Variants in CTNNA2 observed in about 807,000 individuals in gnomAD.
CTNNA2 encodes the protein catenin alpha-2.
CTNNA2 carries 42 observed loss-of-function variants against 101.0 expected under a neutral mutation model. That is an observed-to-expected ratio of 0.42 (90% confidence interval 0.32 to 0.54). The LOEUF (loss-of-function observed/expected upper bound fraction) is 0.54. Ranked by LOEUF, CTNNA2 falls within the 20% of genes least tolerant of loss-of-function variation. CTNNA2 has a pLI of 0.14. For missense variants in CTNNA2, 871 were observed against 1,223.1 expected, an observed-to-expected ratio of 0.71 and a Z score of 4.29; for synonymous variants, 450 against 456.4, an observed-to-expected ratio of 0.99 and a Z score of 0.18.
rs77996363 is a variant in CTNNA2 at position 79,487,120 on chromosome 2, C to T, written c.-134-17934C>T. 9.9e-3 allele frequency among the ~76,000 whole-genome samples: 1,500 copies of T among 152,256 alleles called. 27 individuals are homozygous for T. Among genetic ancestry groups the T allele is most frequent in the African/African-American group, 0.034 (1,424 of 41,540 alleles). ...CAAAGCAGTTTAAAAGATGCATTAA[C>T]ATGTAACCATCTTAACTTTGGAAAT... On this transcript the variant is annotated intron_variant, in intron 4 of 21. Transcript: ENST00000466387.
intron 7 of CTNNA2, among the ~76,000 whole-genome samples, chr2:80,071,850 A>C (rs1319102915): frequency 6.6e-6 from 1 of 152,228 alleles, no homozygotes; most frequent in Non-Finnish European, 1.5e-5. Flanking sequence ...TGTCTGCTGC[A>C]GACATAACAG....
intron 2 of CTNNA2, among the ~76,000 whole-genome samples, chr2:79,664,936 C>T (rs566308202): frequency 2.0e-5 from 3 of 152,064 alleles, no homozygotes; most frequent in East Asian, 3.9e-4. Context: ...TGGTCTCGAT[C>T]TCCTGACCTC....
intron 2 of CTNNA2, among the ~76,000 whole-genome samples, chr2:79,290,675 A>G (rs1022843815): frequency 4.6e-5 from 7 of 152,230 alleles, no homozygotes; most frequent in South Asian, 2.1e-4. Context: ...CAGGCCATCA[A>G]CCGGAGGAAC....
At chr2:80,292,800 T>C (rs143856803) in intron 7 of CTNNA2, among the ~76,000 whole-genome samples, 1 of 152,348 alleles carries the variant, frequency 6.6e-6, no homozygotes, top group Non-Finnish European at 1.5e-5. Context: ...ATTGAATGAG[T>C]TGAGCAATAT....
chr2:80,031,981 T>C (rs1354593748), intron 7 of CTNNA2, among the ~76,000 whole-genome samples: 1 of 152,242 alleles, frequency 6.6e-6, no homozygotes, highest in Non-Finnish European at 1.5e-5. Context: ...GAAATCTGTT[T>C]TGAAGGTGAC....
At chr2:79,442,472 A>T (rs1678787305) in intron 4 of CTNNA2, among the ~76,000 whole-genome samples, 2 of 152,310 alleles carry the variant, frequency 1.3e-5, no homozygotes, top group East Asian at 3.9e-4. Flanking sequence ...GAAATTTGGC[A>T]TGAAGATACG....
chr2:79,500,263 C>CT, intron 4 of CTNNA2, among the ~76,000 whole-genome samples: 1 of 152,250 alleles, frequency 6.6e-6, no homozygotes, highest in Middle Eastern at 3.4e-3. Flanking sequence ...CACTTCATAG[C>CT]TTTTTTCAAC....
intron 6 of CTNNA2, among the ~76,000 whole-genome samples, chr2:79,893,266 T>C (rs925254696): frequency 1.3e-5 from 2 of 152,152 alleles, no homozygotes; most frequent in African/African-American, 2.4e-5. Context: ...CTAAAAATCA[T>C]AGGCTTCCAT....
At chr2:80,376,101 C>CT (rs528260464) in intron 7 of CTNNA2, among the ~76,000 whole-genome samples, 18 of 152,016 alleles carry the variant, frequency 1.2e-4, no homozygotes, top group South Asian at 4.2e-4. Context: ...AAAAATGAAT[C>CT]TTTTTTTTGC....
At chr2:79,189,846 A>G (rs1673828547) in intron 1 of CTNNA2, among the ~76,000 whole-genome samples, 1 of 152,178 alleles carries the variant, frequency 6.6e-6, no homozygotes, top group Admixed American at 6.6e-5. Context: ...ACTTTTTAAC[A>G]GATTTAGATC....
chr2:79,833,638 A>G, intron 3 of CTNNA2, among the ~76,000 whole-genome samples: 1 of 152,172 alleles, frequency 6.6e-6, no homozygotes, highest in East Asian at 1.9e-4. Flanking sequence ...ACAAAAAGCC[A>G]ATGTACTCAT....
intron 14 of CTNNA2, among the ~76,000 whole-genome samples, chr2:80,582,189 C>G (rs1436920271): frequency 6.6e-6 from 1 of 152,076 alleles, no homozygotes; most frequent in African/African-American, 2.4e-5. Flanking sequence ...CTGAAGTCTC[C>G]AAGCTTGTCA....
intron 4 of CTNNA2, among the ~76,000 whole-genome samples, chr2:79,460,284 C>A (rs1224527122): frequency 1.3e-5 from 2 of 152,118 alleles, no homozygotes; most frequent in African/African-American, 4.8e-5. Context: ...CTCAGTCTAA[C>A]TATATGTGCT....
chr2:80,630,841 T>G (rs1372456934), intron 18 of CTNNA2, among the ~76,000 whole-genome samples: 2 of 152,166 alleles, frequency 1.3e-5, no homozygotes, highest in East Asian at 3.9e-4. Context: ...TGAGTAACTC[T>G]GCCATGTTGA....
At chr2:79,187,264 TC>T (rs1558567381) in intron 1 of CTNNA2, among the ~76,000 whole-genome samples, 8,680 of 112,714 alleles carry the variant, frequency 0.077, 492 homozygotes, top group African/African-American at 0.16. Context: ...TCTTTTCTTT[TC>T]TTTTCTTTTT....
intron 2 of CTNNA2, among the ~76,000 whole-genome samples, chr2:79,730,247 T>A (rs1352608969): frequency 1.3e-5 from 2 of 152,084 alleles, no homozygotes; most frequent in African/African-American, 4.8e-5. Context: ...CTCACAAACA[T>A]GTGCTATATG....
chr2:79,750,769 G>A (rs1671973306), intron 3 of CTNNA2, among the ~76,000 whole-genome samples: 1 of 151,944 alleles, frequency 6.6e-6, no homozygotes, highest in Non-Finnish European at 1.5e-5. Context: ...TACTTGGGGA[G>A]GCTGAGGCAG....
intron 7 of CTNNA2, among the ~76,000 whole-genome samples, chr2:79,943,734 G>A (rs544771778): frequency 1.3e-5 from 2 of 152,278 alleles, no homozygotes; most frequent in South Asian, 4.1e-4. Flanking sequence ...AAATATAAAG[G>A]CTTTATAAAT....
chr2:79,382,252 G>A (rs188326165), intron 4 of CTNNA2, among the ~76,000 whole-genome samples: 1 of 151,912 alleles, frequency 6.6e-6, no homozygotes, highest in Non-Finnish European at 1.5e-5. Context: ...TGGGTCTCAG[G>A]GTTTGAGGCT....
Sources: gnomAD v4.1 joint callset for allele counts (sites outside exome capture counted in the v4.1 genomes callset) on GRCh38, gnomAD v4.1.1 for gene constraint, MANE v1.5 for transcripts, NCBI Gene and HGNC (gene_info 2026-07-23, HGNC 2026-07-21) for gene names.